The following STRN3 variants were observed in gnomAD, a reference collection of about 807,000 sequenced individuals.
The protein encoded by STRN3 is striatin-3.
In STRN3, 29 loss-of-function variants were observed where a neutral mutation model predicts 95.6. The observed-to-expected ratio is 0.30, with a 90% confidence interval of 0.23 to 0.41. The LOEUF (loss-of-function observed/expected upper bound fraction) is 0.41, where lower values mean the gene tolerates loss of function less well. Ranked by LOEUF, STRN3 falls within the 10% of genes least tolerant of loss-of-function variation. STRN3 has a pLI of 1.00. For missense variants in STRN3, 890 were observed against 972.1 expected (o/e 0.92, Z 1.12); for synonymous variants, 331 against 357.6 (o/e 0.93, Z 0.84).
At chr14:30,936,169 C>A (rs555853709) in intron 6 of STRN3, among the ~76,000 whole-genome samples, 27 of 152,356 alleles carry the variant, frequency 1.8e-4, no homozygotes, top group South Asian at 4.1e-4. Context: ...GTTAATTTAT[C>A]ACTGGTGTGC....
intron 1 of STRN3, among the ~76,000 whole-genome samples, chr14:30,987,746 T>C (rs1881765237): frequency 6.6e-6 from 1 of 151,964 alleles, no homozygotes; most frequent in African/African-American, 2.4e-5. Context: ...ATATAATTTT[T>C]TTTTTTTTTG....
At chr14:30,919,608 T>C (rs1244888489) in intron 8 of STRN3, among the ~76,000 whole-genome samples, 1 of 152,190 alleles carries the variant, frequency 6.6e-6, no homozygotes, top group African/African-American at 2.4e-5. Context: ...ACCTGGTGTT[T>C]CCATGGATAT....
Position 30,955,641 on chromosome 14 carries a change from T to C in STRN3, c.439A>G (p.Lys147Glu), listed in dbSNP as rs781663643. The C allele has an allele frequency of 6.3e-7, 1 of 1,579,610 alleles. No homozygotes were observed. Among genetic ancestry groups the C allele is most frequent in the African/African-American group, 1.4e-5 (1 of 72,186 alleles). Reference sequence around the variant, plus strand: ...TTACCTGACTCAAAGGTTGGCATTTTCAAGTCACCTTGGTTCAGTTCCGTG... The same window carrying C: ...TTACCTGACTCAAAGGTTGGCATTTCCAAGTCACCTTGGTTCAGTTCCGTG... ...YGTELNQGDL[K>E]MPTFESEETK... is the part of the protein sequence containing the mutation. The change falls in exon 3 of 18, where the codon AAA becomes GAA. Residue 147 changes from lysine to glutamate, a missense_variant. Lys to Glu is a moderately conservative substitution (Grantham distance 56). Coordinates refer to ENST00000357479, the MANE Select transcript of STRN3 (RefSeq NM_001083893.2).
At chr14:30,988,026 G>A (rs764312491) in intron 1 of STRN3, among the ~76,000 whole-genome samples, 12 of 152,148 alleles carry the variant, frequency 7.9e-5, no homozygotes, top group Non-Finnish European at 1.3e-4. Flanking sequence ...GTAAGCCACC[G>A]CGTCCAGCTG....
chr14:30,931,785 C>T (rs745928165), intron 7 of STRN3, among the ~76,000 whole-genome samples: 2 of 152,028 alleles, frequency 1.3e-5, no homozygotes, highest in African/African-American at 2.4e-5. Flanking sequence ...GTGAAAACAG[C>T]GTTAGAAAGC....
intron 8 of STRN3, among the ~76,000 whole-genome samples, chr14:30,920,510 C>T (rs1896852775): frequency 6.6e-6 from 1 of 152,144 alleles, no homozygotes; most frequent in Admixed American, 6.5e-5. Context: ...TGACTACCAC[C>T]ACCATTTATT....
intron 7 of STRN3, among the ~76,000 whole-genome samples, chr14:30,929,962 A>AAAAACAAAAC (rs2139051954): frequency 6.8e-6 from 1 of 147,234 alleles, no homozygotes; most frequent in African/African-American, 2.5e-5. Flanking sequence ...AGCAAAAAAA[A>AAAAACAAAAC]AAAAAAAAAA....
At chr14:30,996,268 G>T (rs924556226) in intron 1 of STRN3, among the ~76,000 whole-genome samples, 2 of 152,136 alleles carry the variant, frequency 1.3e-5, no homozygotes, top group Non-Finnish European at 2.9e-5. Context: ...TCACCCAGCT[G>T]ACAATGAGAA....
intron 8 of STRN3, among the ~76,000 whole-genome samples, chr14:30,920,972 A>G (rs1896863872): frequency 6.6e-6 from 1 of 151,976 alleles, no homozygotes; most frequent in South Asian, 2.1e-4. Context: ...AGCAATTTCC[A>G]CATAGTTTCA....
rs747326502 is a variant in STRN3, at chr14:30,919,133, T to C, written c.1100-27A>G. Reference sequence around the variant, plus strand: ...TGTAAATTAATGTCAGCAGTAGAGGTTCATTTAATGGCTACCGCTTGACTT... The same window carrying C: ...TGTAAATTAATGTCAGCAGTAGAGGCTCATTTAATGGCTACCGCTTGACTT... On this transcript the variant is annotated intron_variant, in intron 8 of 17. Coordinates refer to ENST00000357479, the MANE Select transcript of STRN3 (RefSeq NM_001083893.2). 4 of 1,571,566 alleles carry C rather than the reference T, an allele frequency of 2.5e-6. No homozygotes were observed. The South Asian group carries it at 4.7e-5, about 19-fold the overall frequency.
intron 11 of STRN3, 34 bp from the exon 12 acceptor site, chr14:30,911,858 A>G: frequency 1.3e-6 from 2 of 1,589,754 alleles, no homozygotes; most frequent in South Asian, 1.2e-5. Flanking sequence ...GGGGAAGAGA[A>G]GGCAATTAAA....
intron 1 of STRN3, among the ~76,000 whole-genome samples, chr14:30,960,259 T>C (rs540665532): frequency 6.6e-6 from 1 of 152,098 alleles, no homozygotes; most frequent in Non-Finnish European, 1.5e-5. Flanking sequence ...GAGTACTGCT[T>C]GAGCCCAGGA....
intron 13 of STRN3, among the ~76,000 whole-genome samples, chr14:30,909,543 T>G (rs991257855): frequency 6.6e-6 from 1 of 152,130 alleles, no homozygotes; most frequent in African/African-American, 2.4e-5. Context: ...ACTGGCACCA[T>G]CATAGCTCAC....
rs764278087 is a variant in STRN3 at position 30,936,469 on chromosome 14, A to G, written c.846+26T>C. On this transcript the variant is annotated intron_variant, in intron 6 of 17. Transcript: ENST00000357479. ...TTCCAACTACATGAATATATAGCTA[A>G]TAAGAATATAAAATGTAATTCCTAC... is the stretch of plus-strand genomic sequence containing the variant. The G allele has an allele frequency of 1.1e-5, 18 of 1,603,536 alleles. 2 individuals carry two copies. The South Asian group carries it at 1.8e-4, about 16-fold the overall frequency.
intron 1 of STRN3, 45 bp from the exon 2 acceptor site, chr14:30,956,287 T>C (rs1879899825): frequency 6.4e-7 from 1 of 1,554,822 alleles, no homozygotes; most frequent in South Asian, 1.1e-5. Flanking sequence ...CCCTTAACCA[T>C]ACATAGGAAA....
chr14:30,908,629 T>C (rs562981907), intron 13 of STRN3, among the ~76,000 whole-genome samples: 1 of 152,304 alleles, frequency 6.6e-6, no homozygotes, highest in African/African-American at 2.4e-5. Flanking sequence ...ACTGCTTCTT[T>C]CTTCTCAAAA....
In STRN3 at chr14:31,010,480, A is replaced by G. The variant is rs1205226267; in HGVS notation, c.282+15424T>C. Among the ~76,000 whole-genome samples, 3 of 150,196 alleles carry G rather than the reference A, an allele frequency of 2.0e-5. No individual in the cohort carries two copies. In the East Asian group the frequency reaches 5.9e-4, roughly 30 times the overall value. On this transcript the variant is annotated intron_variant, in intron 1 of 17. Transcript: ENST00000357479. ...CAATTTTAATAAAAGAAAATAATCT[A>G]CTTTATAATGTTTGGTGGGTCATTT...
rs754848134 is a variant in STRN3 at position 30,919,023 on chromosome 14, G to C, written c.1183C>G (p.Gln395Glu). The C allele has an allele frequency of 3.0e-5, 48 of 1,612,332 alleles. No homozygotes were observed. In the South Asian group the frequency reaches 5.2e-4, roughly 17 times the overall value. The part of the protein sequence containing the change: ...LPHIPSGIIN[Q>E]SRSASTRMTD... ...ATTCTAGTAGAGGCTGACCTAGACT[G>C]ATTAATGATTCCTGAAGGGATGTGG... The change falls in exon 9 of 18, where the codon CAG becomes GAG. Residue 395 changes from glutamine to glutamate, a missense_variant. Physicochemically the swap from Gln to Glu is conservative, Grantham distance 29. This residue lies in a region of STRN3 where 526 missense variants were observed against 526.3 expected (regional missense o/e 1.00). Transcript: ENST00000357479.
intron 4 of STRN3, among the ~76,000 whole-genome samples, chr14:30,949,243 A>G (rs1471724690): frequency 1.2e-5 from 1 of 86,884 alleles, no homozygotes; most frequent in Non-Finnish European, 3.1e-5. Context: ...AATTTTAGTC[A>G]CTTATAAGGA....
Sources: gnomAD v4.1 joint callset for allele counts (sites outside exome capture counted in the v4.1 genomes callset) on GRCh38, gnomAD v4.1.1 for gene constraint, gnomAD v4.1.1 regional missense constraint, MANE v1.5 for transcripts, NCBI Gene and HGNC (gene_info 2026-07-23, HGNC 2026-07-21) for gene names.